ATG4A: variants seen among roughly 807,000 people sequenced by gnomAD.
ATG4A encodes autophagy related 4A cysteine peptidase, also known as cysteine protease ATG4A.
ATG4A carries 22 observed loss-of-function variants against 38.4 expected under a neutral mutation model. The observed-to-expected ratio is 0.57, with a 90% CI of 0.41 to 0.82. ATG4A has a LOEUF of 0.82. Among genes scored for constraint, ATG4A ranks in the 40% least tolerant of loss-of-function variants. The pLI is 0.00. For missense variants in ATG4A, 220 were observed against 290.0 expected (o/e 0.76, Z 1.75); for synonymous variants, 86 against 100.7 (o/e 0.85, Z 0.88).
At chrX:108,097,455 C>T (rs1016629844) in intron 1 of ATG4A, among the ~76,000 whole-genome samples, 2 of 111,940 alleles carry the variant, frequency 1.8e-5, no homozygotes, top group African/African-American at 3.3e-5. Flanking sequence ...TCTATATCTA[C>T]GCTGTTCTAG....
intron 11 of ATG4A, among the ~76,000 whole-genome samples, chrX:108,152,715 C>T (rs2033619525): frequency 1.8e-5 from 2 of 111,971 alleles, no homozygotes; most frequent in African/African-American, 6.5e-5. Context: ...GGCACAGGCA[C>T]TATGCCTCAT....
At position 108,153,760 on chromosome X, in the gene ATG4A, A is replaced by C. The variant is rs750589976; in HGVS notation, c.*48A>C. 1 of 1,075,943 alleles carries C rather than the reference A, an allele frequency of 9.3e-7. No homozygotes were observed. Among genetic ancestry groups the C allele is most frequent in the African/African-American group, 1.8e-5 (1 of 54,308 alleles). The allele number at this position is 1,075,943 out of a possible 1,213,427, so 88.7% of individuals were successfully genotyped here. On this transcript the variant is annotated 3_prime_UTR_variant, in exon 13 of 13. Transcript: ENST00000372232. Reference sequence around the variant, plus strand: ...GGTCTGTCTTCCATCTGGCACCATAAAAACATGAACTTATTGCATAAAACT... The same window carrying C: ...GGTCTGTCTTCCATCTGGCACCATACAAACATGAACTTATTGCATAAAACT...
intron 1 of ATG4A, 21 bp from the exon 2 acceptor site, chrX:108,126,056 G>A (rs1055696130): frequency 3.7e-6 from 4 of 1,092,503 alleles, no homozygotes; most frequent in Non-Finnish European, 5.0e-6. Flanking sequence ...AATTTTACTT[G>A]TTTCTTTCCT....
intron 9 of ATG4A, among the ~76,000 whole-genome samples, chrX:108,148,974 G>A (rs2033510262): frequency 8.9e-6 from 1 of 112,655 alleles, no homozygotes. Context: ...TCTGGTCCTT[G>A]TAATATACCA....
intron 1 of ATG4A, among the ~76,000 whole-genome samples, chrX:108,123,799 G>C (rs1056433313): frequency 9.0e-6 from 1 of 111,600 alleles, no homozygotes; most frequent in African/African-American, 3.3e-5. Flanking sequence ...AGCTTTAAAG[G>C]GCTTTACTAA....
chrX:108,090,898 C>T (rs908120867), upstream of ATG4A, among the ~76,000 whole-genome samples: 2 of 112,678 alleles, frequency 1.8e-5, no homozygotes, highest in Non-Finnish European at 3.7e-5. Flanking sequence ...AGCATCAGAT[C>T]CTCCTATTAA....
intron 1 of ATG4A, among the ~76,000 whole-genome samples, chrX:108,110,915 GT>G (rs1015155801): frequency 1.8e-5 from 2 of 111,183 alleles, no homozygotes; most frequent in African/African-American, 6.5e-5. Flanking sequence ...GTATACTTGG[GT>G]TTTTTGAGAC....
chrX:108,127,713 A>G (rs1013325594), intron 2 of ATG4A, among the ~76,000 whole-genome samples: 6 of 112,477 alleles, frequency 5.3e-5, no homozygotes, highest in African/African-American at 1.9e-4. Context: ...AAGACAGAAA[A>G]TAGAAACTAT....
At chrX:108,141,310 A>G (rs1295342566) in intron 9 of ATG4A, among the ~76,000 whole-genome samples, 2 of 106,656 alleles carry the variant, frequency 1.9e-5, no homozygotes. Context: ...CTGAGGAAAA[A>G]GGCTGAGTGG....
chrX:108,118,866 C>G (rs1331390731), intron 1 of ATG4A, among the ~76,000 whole-genome samples: 10 of 112,225 alleles, frequency 8.9e-5, no homozygotes, highest in Non-Finnish European at 1.9e-5. Context: ...TAACACTTGT[C>G]TGTACATTAC....
chrX:108,109,712 A>G (rs750458424), intron 1 of ATG4A, among the ~76,000 whole-genome samples: 2 of 112,116 alleles, frequency 1.8e-5, no homozygotes, highest in East Asian at 2.8e-4. Flanking sequence ...ATTGTCCCCA[A>G]AATCATTTGT....
At chrX:108,095,860 A>T (rs917387383) in intron 1 of ATG4A, among the ~76,000 whole-genome samples, 1 of 109,430 alleles carries the variant, frequency 9.1e-6, no homozygotes, top group East Asian at 2.9e-4. Context: ...ACAGGCATGT[A>T]CCTCCGTGCC....
chrX:108,102,208 A>G (rs1006626463), intron 1 of ATG4A, among the ~76,000 whole-genome samples: 2 of 111,437 alleles, frequency 1.8e-5, no homozygotes, highest in East Asian at 5.6e-4. Context: ...CAATTTCTCC[A>G]CATTCTTGCC....
chrX:108,107,464 T>C (rs1336180747), intron 1 of ATG4A, among the ~76,000 whole-genome samples: 1 of 112,539 alleles, frequency 8.9e-6, no homozygotes, highest in Non-Finnish European at 1.9e-5. Flanking sequence ...ATTTTTAAGA[T>C]GACTGATTTA....
chrX:108,128,237 A>G (rs1293151791), intron 2 of ATG4A, among the ~76,000 whole-genome samples: 1 of 110,330 alleles, frequency 9.1e-6, no homozygotes, highest in Non-Finnish European at 1.9e-5. Context: ...CTCATACCTC[A>G]TTTTTTTTGT....
At chrX:108,108,768 C>T (rs757352026) in intron 1 of ATG4A, among the ~76,000 whole-genome samples, 14 of 111,806 alleles carry the variant, frequency 1.3e-4, no homozygotes, top group Middle Eastern at 4.6e-3. Flanking sequence ...TTTCCATTTC[C>T]TCTTCCTTCC....
intron 9 of ATG4A, among the ~76,000 whole-genome samples, chrX:108,140,633 A>G (rs913313200): frequency 3.9e-5 from 4 of 103,814 alleles, no homozygotes; most frequent in Non-Finnish European, 5.8e-5. Context: ...AATGTATTAC[A>G]TATACGTACA....
chrX:108,094,900 AAT>A (rs2031757408), intron 1 of ATG4A, among the ~76,000 whole-genome samples: 3 of 112,514 alleles, frequency 2.7e-5, no homozygotes, highest in African/African-American at 3.2e-5. Flanking sequence ...GAATTCAGAA[AAT>A]ATATATGCTG....
intron 1 of ATG4A, among the ~76,000 whole-genome samples, chrX:108,114,983 A>G (rs1234177729): frequency 8.9e-6 from 1 of 111,787 alleles, no homozygotes; most frequent in Non-Finnish European, 1.9e-5. Context: ...AGTCAAAGCA[A>G]GTCTGTAAAT....
Sources: gnomAD v4.1 joint callset for allele counts (sites outside exome capture counted in the v4.1 genomes callset) on GRCh38, gnomAD v4.1.1 for gene constraint, MANE v1.5 for transcripts, NCBI Gene and HGNC (gene_info 2026-07-23, HGNC 2026-07-21) for gene names.